DLK1: variants seen among roughly 807,000 people sequenced by gnomAD.
The protein encoded by DLK1 is protein delta homolog 1.
DLK1 carries 9 observed loss-of-function variants against 35.2 expected under a neutral mutation model. The observed-to-expected ratio is 0.26, with a 90% CI of 0.15 to 0.45. The LOEUF (loss-of-function observed/expected upper bound fraction) is 0.45, where lower values mean the gene tolerates loss of function less well. DLK1 is among the 20% of genes least tolerant of loss of function. The pLI, the probability that DLK1 is intolerant of heterozygous loss-of-function variation, is 1.00. For synonymous variants in DLK1, 231 were observed against 228.4 expected, an observed-to-expected ratio of 1.01 and a Z score of -0.10; for missense variants, 522 against 528.5, an observed-to-expected ratio of 0.99 and a Z score of 0.12.
intron 2 of DLK1, 110 bp downstream of exon 2, chr14:100,728,569 C>A: frequency 9.7e-7 from 1 of 1,032,286 alleles, no homozygotes; most frequent in South Asian, 1.3e-5. Flanking sequence ...CTGCAGCAAA[C>A]AGCTTCCGGG....
At position 100,726,992 on chromosome 14, in the gene DLK1, C is replaced by T; in HGVS notation, c.-77C>T. The T allele has an allele frequency of 7.2e-7, 1 of 1,395,296 alleles. No homozygotes were observed. The highest frequency in any genetic ancestry group is 9.4e-7 in the Non-Finnish European group (1 of 1,065,096). The allele number at this position is 1,395,296 out of a possible 1,614,324, so 86.4% of individuals were successfully genotyped here. On this transcript the variant is annotated 5_prime_UTR_variant, in exon 1 of 5. Coordinates refer to ENST00000341267, the MANE Select transcript of DLK1 (RefSeq NM_003836.7). The surrounding 1 kb of genome is among the most constrained non-coding windows in gnomAD (Gnocchi z 4.2). ...CCCGCGCCCCCTTTCGCGTCCGCAA[C>T]CAGAAGCCCAGTGCGGCGCCAGGAG... is the stretch of plus-strand genomic sequence containing the variant.
chr14:100,734,369 G>A lies in DLK1; in HGVS notation c.625G>A (p.Val209Met), dbSNP rs1379701724. ...GFIDKTCSRP[V>M]TNCASSPCQN... ...CATCGACAAGACCTGCAGCCGCCCG[G>A]TGACCAACTGCGCCAGCAGCCCGTG... The change falls in exon 5 of 5, where the codon GTG becomes ATG. Residue 209 changes from valine to methionine, a missense_variant. Transcript: ENST00000341267. This position sits in a 1 kb window ranked among gnomAD's most constrained non-coding sequence, Gnocchi z 7.4. 3.7e-6 allele frequency: 6 copies of A among 1,611,964 alleles called. No homozygotes were observed. The highest frequency in any genetic ancestry group is 5.1e-6 in the Non-Finnish European group (6 of 1,179,320).
In DLK1 at chr14:100,734,662, C is replaced by T. The variant is rs1269044201; in HGVS notation, c.918C>T (p.Cys306=). 2 of 1,614,092 alleles carry T rather than the reference C, an allele frequency of 1.2e-6. No individual in the cohort carries two copies. Among genetic ancestry groups the T allele is most frequent in the Middle Eastern group, 1.6e-4 (1 of 6,062 alleles). Residue 306 remains cysteine (C), a synonymous_variant, in exon 5 of 5, where the codon TGC becomes TGT. Coordinates refer to ENST00000341267, the MANE Select transcript of DLK1 (RefSeq NM_003836.7). This position sits in a 1 kb window ranked among gnomAD's most constrained non-coding sequence, Gnocchi z 7.4. ...TCCTCACCGAGGGCCAGGCCATCTG[C>T]TTCACCATCCTGGGCGTGCTCACCA... is the stretch of plus-strand genomic sequence containing the variant. ...TPLLTEGQAI[C]FTILGVLTSL... is the part of the protein sequence containing the mutation.
chr14:100,732,310 C>A (rs2036519191), intron 4 of DLK1, 127 bp downstream of exon 4: 5 of 1,428,026 alleles, frequency 3.5e-6, no homozygotes, highest in Non-Finnish European at 4.7e-6. Context: ...ATCCTGGCAG[C>A]CCCGTAGGGG....
chr14:100,727,214 G>GCCCC, intron 1 of DLK1, 79 bp downstream of exon 1: 2 of 1,400,172 alleles, frequency 1.4e-6, no homozygotes, highest in Non-Finnish European at 1.9e-6. Context: ...TGCCCCGCAC[G>GCCCC]CCCCGTCTCG....
Position 100,734,202 on chromosome 14 carries a change from A to G in DLK1, c.458A>G (p.His153Arg), listed in dbSNP as rs370346826. 10 of 1,612,634 alleles carry G rather than the reference A, an allele frequency of 6.2e-6. No individual in the cohort carries two copies. Among genetic ancestry groups the G allele is most frequent in the Admixed American group, 1.7e-5 (1 of 59,956 alleles). The part of the protein sequence containing the change: ...TCVDDEGRAS[H>R]ASCLCPPGFS... ...GTGGATGATGAGGGCCGGGCCTCCCATGCCTCCTGCCTGTGCCCCCCTGGC... is the reference window on the plus strand; with the variant it reads ...GTGGATGATGAGGGCCGGGCCTCCCGTGCCTCCTGCCTGTGCCCCCCTGGC... The change falls in exon 5 of 5, where the codon CAT (histidine) becomes CGT (arginine). Residue 153 changes from histidine (H) to arginine (R), a missense_variant. Transcript: ENST00000341267. The surrounding 1 kb of genome is among the most constrained non-coding windows in gnomAD (Gnocchi z 7.4).
chr14:100,729,297 G>C (rs998340580), intron 3 of DLK1: 3 of 731,622 alleles, frequency 4.1e-6, no homozygotes, highest in African/African-American at 1.7e-5. Flanking sequence ...CCAGCACCTA[G>C]AGGGAACATG....
intron 2 of DLK1, 159 bp downstream of exon 2, chr14:100,728,618 G>T (rs1022670371): frequency 8.7e-6 from 2 of 230,624 alleles, no homozygotes; most frequent in East Asian, 7.1e-5. Context: ...GGGGAGATGG[G>T]GGGGGCGGGG....
At chr14:100,729,196 T>C (rs2036478345) in intron 3 of DLK1, 130 bp downstream of exon 3, 1 of 1,471,376 alleles carries the variant, frequency 6.8e-7, no homozygotes, top group African/African-American at 1.4e-5. Flanking sequence ...GTGCCCTGTA[T>C]TCTAAAGATC....
At chr14:100,728,602 C>T (rs1161780723) in intron 2 of DLK1, 143 bp downstream of exon 2, 7 of 83,314 alleles carry the variant, frequency 8.4e-5, no homozygotes, top group African/African-American at 2.9e-4. Flanking sequence ...ACTGGTGGGG[C>T]GAGCTGGGGA....
intron 4 of DLK1, among the ~76,000 whole-genome samples, chr14:100,733,898 G>T (rs2036536740): frequency 6.6e-6 from 1 of 152,032 alleles, no homozygotes. Context: ...TCGAGATGGG[G>T]GTGAGGTGGG....
At chr14:100,727,817 A>G (rs1033678965) in intron 1 of DLK1, among the ~76,000 whole-genome samples, 15 of 152,170 alleles carry the variant, frequency 9.9e-5, no homozygotes, top group African/African-American at 2.4e-4. Flanking sequence ...CCGCTAAGCA[A>G]AACCCTGTGT....
intron 1 of DLK1, 107 bp downstream of exon 1, chr14:100,727,242 C>T (rs2139856453): frequency 1.7e-6 from 2 of 1,180,726 alleles, no homozygotes; most frequent in East Asian, 3.1e-5. Flanking sequence ...CAACTCCGCC[C>T]GTCCCGCCTA....
At position 100,735,762 on chromosome 14, in the gene DLK1, C is replaced by G. The variant is rs2036565930; in HGVS notation, c.*866C>G. The G allele has an allele frequency of 1.3e-5, 2 of 152,246 alleles. No homozygotes were observed. The highest frequency in any genetic ancestry group is 2.9e-5 in the Non-Finnish European group (2 of 68,042). The allele number at this position is 152,246 out of a possible 1,614,324, so 9.4% of individuals were successfully genotyped here. On this transcript the variant is annotated 3_prime_UTR_variant, in exon 5 of 5. Coordinates refer to ENST00000341267, the MANE Select transcript of DLK1 (RefSeq NM_003836.7). ...GTTGAAATTTATCCTAACTGTGTTT[C>G]TCAAAGTGGGGAGCCTCCTGGCCCA... is the stretch of plus-strand genomic sequence containing the variant.
At position 100,732,555 on chromosome 14, in the gene DLK1, CAG is replaced by C. The variant is rs751370504; in HGVS notation, c.404+373_404+374del. ...TTTGTGAAACCCACTTGCTGTATCT[CAG>C]GGGGTGGTTTTGGGGAACTGGTGGG... is the stretch of plus-strand genomic sequence containing the variant. On this transcript the variant is annotated intron_variant, in intron 4 of 4. Transcript: ENST00000341267. Among the ~76,000 whole-genome samples the C allele has an allele frequency of 1.5e-3, 224 of 152,296 alleles. 1 individual carries two copies. Among genetic ancestry groups the C allele is most frequent in the African/African-American group, 4.8e-3 (200 of 41,552 alleles).
At chr14:100,727,731 G>C (rs2036453466) in intron 1 of DLK1, among the ~76,000 whole-genome samples, 1 of 152,212 alleles carries the variant, frequency 6.6e-6, no homozygotes, top group Non-Finnish European at 1.5e-5. Flanking sequence ...AAGCTGGGGA[G>C]CTGGTTGAGT....
chr14:100,728,197 C>A (rs1807338421), intron 1 of DLK1, among the ~76,000 whole-genome samples, 199 bp from the exon 2 acceptor site: 1 of 152,092 alleles, frequency 6.6e-6, no homozygotes, highest in South Asian at 2.1e-4. Context: ...TTGCTGGGAA[C>A]GTGGCAGAGA....
rs2036583935 is a variant in DLK1, at chr14:100,737,215, C to T, written c.*2319C>T. 7.0e-6 allele frequency: 1 copy of T among 142,648 alleles called. No individual in the cohort carries two copies. Among genetic ancestry groups the T allele is most frequent in the African/African-American group, 2.7e-5 (1 of 37,472 alleles). 8.8% of individuals were successfully genotyped at this position (142,648 alleles called of 1,614,324 possible). On this transcript the variant is annotated 3_prime_UTR_variant, in exon 5 of 5. Transcript: ENST00000341267. ...CTGACAACCGCCCCAAGTCCCTCTTCCTTCCCCACGAAGTCATTCATAAGT... is the reference window on the plus strand; with the variant it reads ...CTGACAACCGCCCCAAGTCCCTCTTTCTTCCCCACGAAGTCATTCATAAGT...
Position 100,734,900 on chromosome 14 carries a change from G to T in DLK1, c.*4G>T. The T allele has an allele frequency of 6.4e-7, 1 of 1,568,414 alleles. No homozygotes were observed. The highest frequency in any genetic ancestry group is 8.6e-7 in the Non-Finnish European group (1 of 1,161,050). On this transcript the variant is annotated 3_prime_UTR_variant, in exon 5 of 5. Transcript: ENST00000341267. This position sits in a 1 kb window ranked among gnomAD's most constrained non-coding sequence, Gnocchi z 7.4. ...GGCCGGCGACGAGGAGATCTAAGCAGCGTTCCCACAGCCCCCTCTAGATTC... is the reference window on the plus strand; with the variant it reads ...GGCCGGCGACGAGGAGATCTAAGCATCGTTCCCACAGCCCCCTCTAGATTC...
Sources: gnomAD v4.1 joint callset for allele counts (sites outside exome capture counted in the v4.1 genomes callset) on GRCh38, gnomAD v4.1.1 for gene constraint, Gnocchi (gnomAD v3.1) non-coding constraint, MANE v1.5 for transcripts, NCBI Gene and HGNC (gene_info 2026-07-23, HGNC 2026-07-21) for gene names.